PCDHGB3: variants seen among roughly 807,000 people sequenced by gnomAD.
PCDHGB3 encodes the protein protocadherin gamma-B3.
PCDHGB3 carries 40 observed loss-of-function variants against 59.2 expected under a neutral mutation model. The ratio of observed to expected loss-of-function variants is 0.68; its 90% CI spans 0.52 to 0.88. The LOEUF is 0.88. Ranked by LOEUF, PCDHGB3 falls within the 40% of genes least tolerant of loss-of-function variation. The pLI, the probability that PCDHGB3 is intolerant of heterozygous loss-of-function variation, is 0.00. For missense variants in PCDHGB3, 1,309 were observed against 1,187.9 expected, an observed-to-expected ratio of 1.10 and a Z score of -1.50; for synonymous variants, 581 against 503.6, an observed-to-expected ratio of 1.15 and a Z score of -2.06.
intron 1 of PCDHGB3, among the ~76,000 whole-genome samples, chr5:141,469,723 C>G (rs2099209474): frequency 6.6e-6 from 1 of 152,210 alleles, no homozygotes; most frequent in Non-Finnish European, 1.5e-5. Context: ...AGGAATTTAT[C>G]ATAAATACAC....
chr5:141,414,801 G>A, intron 1 of PCDHGB3: 2 of 1,614,218 alleles, frequency 1.2e-6, no homozygotes, highest in Non-Finnish European at 1.7e-6. Flanking sequence ...GCGACAGCGG[G>A]GATCCTCCAC....
intron 1 of PCDHGB3, chr5:141,422,547 G>C: frequency 1.9e-6 from 3 of 1,613,938 alleles, no homozygotes; most frequent in Non-Finnish European, 2.5e-6. Context: ...CTCATGTCTG[G>C]CTGAATGTGG....
chr5:141,410,135 G>T, intron 1 of PCDHGB3: 1 of 1,612,626 alleles, frequency 6.2e-7, no homozygotes, highest in Non-Finnish European at 8.5e-7. Context: ...CCTGCTGGTC[G>T]CTGTGCGTGA....
chr5:141,427,895 G>T (rs539406412), intron 1 of PCDHGB3: 3 of 1,569,228 alleles, frequency 1.9e-6, no homozygotes, highest in South Asian at 2.2e-5. Context: ...ACCAGGGCTC[G>T]CCCGCGCTCA....
At chr5:141,405,523 G>T (rs140184617) in intron 1 of PCDHGB3, 2 of 679,202 alleles carry the variant, frequency 2.9e-6, no homozygotes, top group African/African-American at 3.6e-5. Context: ...AAATTCAAGC[G>T]ATTCTCCTGC....
intron 1 of PCDHGB3, chr5:141,374,142 T>C (rs1270815703): frequency 6.2e-7 from 1 of 1,610,314 alleles, no homozygotes; most frequent in South Asian, 1.1e-5. Context: ...CTCACGCTCC[T>C]GGGGACGCTG....
intron 1 of PCDHGB3, chr5:141,440,564 A>T (rs531383065): frequency 1.3e-5 from 2 of 152,248 alleles, no homozygotes; most frequent in Non-Finnish European, 2.9e-5. Context: ...TAAGTTACGT[A>T]TCTCTGAGTT....
chr5:141,506,444 CAAAAAAAAAAAAA>C (rs1219684339), intron 3 of PCDHGB3, among the ~76,000 whole-genome samples: 1 of 95,030 alleles, frequency 1.1e-5, no homozygotes, highest in Non-Finnish European at 2.2e-5. Context: ...CGCTCTGTCT[CAAAAAAAAAAAAA>C]AAAAAAAAGA....
chr5:141,415,982 T>A lies in PCDHGB3; in HGVS notation c.2415+43173T>A, dbSNP rs531852883. The A allele has an allele frequency of 1.9e-4, 66 of 342,492 alleles. 1 individual carries two copies. Among genetic ancestry groups the A allele is most frequent in the African/African-American group, 1.3e-3 (59 of 46,668 alleles). 21.2% of individuals were successfully genotyped at this position (342,492 alleles called of 1,614,324 possible). A position where few individuals can be genotyped will look rare whatever the true frequency, so the allele number is the denominator to read the frequency against. ...AACTCCAGCCCCTTAAGCAACCCTC[T>A]TGTTCTGAAGGCAGGTCTGGTAAGA... On this transcript the variant is annotated intron_variant, in intron 1 of 3. Transcript: ENST00000576222.
intron 1 of PCDHGB3, chr5:141,382,920 C>T (rs894174603): frequency 2.6e-6 from 4 of 1,558,806 alleles, no homozygotes; most frequent in Admixed American, 1.9e-5. Flanking sequence ...AGCCGAGGGG[C>T]GGGGACTACA....
chr5:141,395,403 A>C (rs1383871945), intron 1 of PCDHGB3: 7 of 849,376 alleles, frequency 8.2e-6, no homozygotes, highest in Non-Finnish European at 1.2e-5. Context: ...TCTAATAGTC[A>C]TAGGTTATTG....
intron 2 of PCDHGB3, among the ~76,000 whole-genome samples, chr5:141,504,621 T>A (rs1185981312): frequency 7.9e-6 from 1 of 126,856 alleles, no homozygotes; most frequent in Non-Finnish European, 1.6e-5. Flanking sequence ...GATAGGAAAG[T>A]GCACCTTGGA....
At chr5:141,399,779 G>T in intron 1 of PCDHGB3, 2 of 1,613,282 alleles carry the variant, frequency 1.2e-6, no homozygotes, top group South Asian at 1.1e-5. Flanking sequence ...GTGGGCGACC[G>T]AAACGACAAC....
At chr5:141,495,277 G>A (rs2099760037) in intron 2 of PCDHGB3, among the ~76,000 whole-genome samples, 1 of 152,168 alleles carries the variant, frequency 6.6e-6, no homozygotes, top group African/African-American at 2.4e-5. Context: ...ACCGGAGGAG[G>A]CGGTCCGCAC....
intron 1 of PCDHGB3, 137 bp from the exon 2 acceptor site, chr5:141,494,670 C>T: frequency 6.5e-7 from 1 of 1,529,402 alleles, no homozygotes; most frequent in Non-Finnish European, 8.8e-7. Flanking sequence ...GGAGATGAGT[C>T]CACCCCTGCC....
chr5:141,419,777 C>T (rs976849391), intron 1 of PCDHGB3: 3 of 1,614,054 alleles, frequency 1.9e-6, no homozygotes, highest in Admixed American at 3.3e-5. Flanking sequence ...CTCGGTCCGC[C>T]AGCGCCTGCT....
rs777115265 is a variant in PCDHGB3, at chr5:141,485,247, G to C, written c.2416-9560G>C. ...CTTTTGTTCCTCTTTTACCACCTGG[G>C]TTACGTTTGTGGGCAGATCCGCTAC... On this transcript the variant is annotated intron_variant, in intron 1 of 3. Coordinates refer to ENST00000576222, the MANE Select transcript of PCDHGB3 (RefSeq NM_018924.5). This position sits in a 1 kb window ranked among gnomAD's most constrained non-coding sequence, Gnocchi z 5.7. 8.7e-6 allele frequency: 14 copies of C among 1,614,156 alleles called. No homozygotes were observed. In the African/African-American group the frequency reaches 1.6e-4, roughly 18 times the overall value.
intron 1 of PCDHGB3, chr5:141,410,799 C>T: frequency 2.9e-5 from 16 of 560,592 alleles, no homozygotes; most frequent in South Asian, 8.0e-5. Context: ...ATAAGTTGCT[C>T]TATCTTTTTG....
chr5:141,407,169 G>A (rs946090447), intron 1 of PCDHGB3, among the ~76,000 whole-genome samples: 3 of 152,146 alleles, frequency 2.0e-5, no homozygotes, highest in Non-Finnish European at 4.4e-5. Flanking sequence ...AATCCTTTAT[G>A]ACATACAGAC....
Sources: gnomAD v4.1 joint callset for allele counts (sites outside exome capture counted in the v4.1 genomes callset) on GRCh38, gnomAD v4.1.1 for gene constraint, Gnocchi (gnomAD v3.1) non-coding constraint, MANE v1.5 for transcripts, NCBI Gene and HGNC (gene_info 2026-07-23, HGNC 2026-07-21) for gene names.